Variants in VPS13D observed in about 807,000 individuals in gnomAD.
VPS13D encodes the protein intermembrane lipid transfer protein VPS13D.
In VPS13D, 187 loss-of-function variants were observed where a neutral mutation model predicts 461.9. That is an observed-to-expected ratio of 0.40 (90% confidence interval 0.36 to 0.46). VPS13D has a LOEUF of 0.46. VPS13D is among the 20% of genes least tolerant of loss of function. VPS13D has a pLI of 0.60. For missense variants in VPS13D, 4,711 were observed against 5,364.9 expected (o/e 0.88, Z 3.81); for synonymous variants, 1,951 against 1,986.3 (o/e 0.98, Z 0.47).
chr1:12,323,505 AAC>A (rs937213762), intron 34 of VPS13D, among the ~76,000 whole-genome samples, 199 bp from the exon 35 acceptor site: 5 of 152,058 alleles, frequency 3.3e-5, no homozygotes, highest in Non-Finnish European at 7.4e-5. Context: ...CCACTTTAAA[AAC>A]ACAGTCAATA....
chr1:12,333,284 T>C lies in VPS13D; in HGVS notation c.8346T>C (p.Ala2782=). 1 of 1,614,192 alleles carries C rather than the reference T, an allele frequency of 6.2e-7. No individual in the cohort carries two copies. Among genetic ancestry groups the C allele is most frequent in the East Asian group, 2.2e-5 (1 of 44,886 alleles). ...PCSVSWQQQA[A]SRLHPPRLKL... ...CTGTATCCTGGCAACAGCAGGCAGC[T>C]AGTCGTCTCCATCCTCCTCGACTGA... The change falls in exon 38 of 70, where the codon GCT becomes GCC. Residue 2782 remains alanine (A), a synonymous_variant. Coordinates refer to ENST00000620676, the MANE Select transcript of VPS13D (RefSeq NM_015378.4).
intron 20 of VPS13D, 104 bp from the exon 21 acceptor site, chr1:12,282,601 A>T: frequency 8.9e-7 from 1 of 1,127,260 alleles, no homozygotes; most frequent in South Asian, 1.5e-5. Context: ...CAGGTAACTT[A>T]CAGCCTCATG....
chr1:12,253,426 T>C (rs1021901865), intron 6 of VPS13D, among the ~76,000 whole-genome samples: 6 of 152,188 alleles, frequency 3.9e-5, no homozygotes, highest in African/African-American at 1.4e-4. Flanking sequence ...GCCTGAAACT[T>C]ATATATCTTT....
intron 23 of VPS13D, among the ~76,000 whole-genome samples, chr1:12,292,435 CTTTTTTTTTT>C (rs886615855): frequency 2.1e-5 from 2 of 96,916 alleles, no homozygotes; most frequent in African/African-American, 8.3e-5. Context: ...TGCTCAGTCT[CTTTTTTTTTT>C]TTTTTTTTTT....
At position 12,495,106 on chromosome 1, in the gene VPS13D, A is replaced by G. The variant is rs1225463094; in HGVS notation, c.12663-2394A>G. Among the ~76,000 whole-genome samples the G allele has an allele frequency of 6.6e-6, 1 of 152,044 alleles. No homozygotes were observed. The highest frequency in any genetic ancestry group is 1.5e-5 in the Non-Finnish European group (1 of 68,018). On this transcript the variant is annotated intron_variant, in intron 67 of 69. Transcript: ENST00000620676. The surrounding 1 kb of genome is among the most constrained non-coding windows in gnomAD (Gnocchi z 4.0). ...ACATGTTTATCCACCTGGGATGGAA[A>G]GCAAATGTGCTTTGAGCAGATGACT... is the stretch of plus-strand genomic sequence containing the variant.
At chr1:12,261,833 G>T (rs1429522098) in intron 12 of VPS13D, 68 bp from the exon 13 acceptor site, 58 of 1,359,438 alleles carry the variant, frequency 4.3e-5, no homozygotes, top group Non-Finnish European at 3.0e-6. Context: ...ACTGTGATCA[G>T]TCTGCTTGCT....
chr1:12,328,359 C>CTTT lies in VPS13D; in HGVS notation c.8197+521_8197+523dup, dbSNP rs71570103. Among the ~76,000 whole-genome samples the CTTT allele has an allele frequency of 1.6e-4, 21 of 134,208 alleles. No homozygotes were observed. In the East Asian group the frequency reaches 3.6e-3, roughly 23 times the overall value. 88.0% of individuals were successfully genotyped at this position (134,208 alleles called of 152,430 possible). On this transcript the variant is annotated intron_variant, in intron 36 of 69. Coordinates refer to ENST00000620676, the MANE Select transcript of VPS13D (RefSeq NM_015378.4). ...GGGACCAAAGTAGGAGTACTCTATC[C>CTTT]TTTTTTTTTTTTTTTTTTACCTCAA...
Position 12,329,829 on chromosome 1 carries a change from G to T in VPS13D, c.8198G>T (p.Arg2733Leu). 1 of 1,613,996 alleles carries T rather than the reference G, an allele frequency of 6.2e-7. No homozygotes were observed. Residue 2733 changes from arginine to leucine, a missense_variant and splice_region_variant, in exon 37 of 70, where the codon CGT (arginine) becomes CTT (leucine). Coordinates refer to ENST00000620676, the MANE Select transcript of VPS13D (RefSeq NM_015378.4). The part of the protein sequence containing the change: ...DVPLAELTFS[R>L]LNFLQRVRTS... ...GCAGTAAGGTTTGCTTTCATTGCAG[G>T]TCTGAATTTTCTTCAGCGTGTAAGA...
chr1:12,377,082 G>C (rs576051976), intron 55 of VPS13D, among the ~76,000 whole-genome samples: 87 of 149,100 alleles, frequency 5.8e-4, no homozygotes, highest in African/African-American at 2.1e-3. Flanking sequence ...TTTTTGAGAC[G>C]GAGTTTCGCT....
chr1:12,448,530 G>A (rs1645222761), intron 65 of VPS13D, among the ~76,000 whole-genome samples: 1 of 152,104 alleles, frequency 6.6e-6, no homozygotes, highest in African/African-American at 2.4e-5. Context: ...CCCCCCTTCT[G>A]CCAAAAAGTC....
intron 19 of VPS13D, among the ~76,000 whole-genome samples, chr1:12,278,706 C>CTGT (rs1641691681): frequency 6.6e-6 from 1 of 152,212 alleles, no homozygotes; most frequent in Admixed American, 6.5e-5. Context: ...TGTTCCCAAG[C>CTGT]TGTCGATCCT....
In VPS13D at chr1:12,258,165, G is replaced by A. The variant is rs1432357677; in HGVS notation, c.1110+62G>A. ...CAGAAGATAAGAATGTTCTCTCAAA[G>A]ACTAAAGAAAATGGGATCTGTGAAG... On this transcript the variant is annotated intron_variant, in intron 10 of 69. Coordinates refer to ENST00000620676, the MANE Select transcript of VPS13D (RefSeq NM_015378.4). The A allele has an allele frequency of 3.8e-6, 6 of 1,584,742 alleles. No individual in the cohort carries two copies. The African/African-American group carries it at 4.1e-5, about 11-fold the overall frequency.
intron 20 of VPS13D, 75 bp from the exon 21 acceptor site, chr1:12,282,630 T>C: frequency 7.3e-7 from 1 of 1,370,732 alleles, no homozygotes; most frequent in Non-Finnish European, 1.0e-6. Flanking sequence ...ATGTGGCAAC[T>C]GTAGACATTT....
chr1:12,233,846 G>A (rs923203994), intron 1 of VPS13D, among the ~76,000 whole-genome samples: 10 of 152,016 alleles, frequency 6.6e-5, no homozygotes, highest in Non-Finnish European at 1.2e-4. Context: ...TCAGGAGTTT[G>A]GGACAGGCTG....
At chr1:12,380,481 C>T (rs1644258798) in intron 57 of VPS13D, among the ~76,000 whole-genome samples, 1 of 152,234 alleles carries the variant, frequency 6.6e-6, no homozygotes, top group Non-Finnish European at 1.5e-5. Flanking sequence ...CCTCCTCAGC[C>T]AGTCTACCTC....
At chr1:12,343,587 C>G (rs1027770685) in intron 42 of VPS13D, among the ~76,000 whole-genome samples, 4 of 152,096 alleles carry the variant, frequency 2.6e-5, no homozygotes, top group African/African-American at 9.7e-5. Flanking sequence ...GTTGCCCAGG[C>G]TGGTCTCAAA....
intron 6 of VPS13D, among the ~76,000 whole-genome samples, chr1:12,252,163 G>A (rs890023719): frequency 2.0e-5 from 3 of 152,072 alleles, no homozygotes; most frequent in African/African-American, 7.2e-5. Context: ...GATTACATCT[G>A]CAAAGACCTA....
Position 12,380,547 on chromosome 1 carries a change from G to T in VPS13D, c.11190+951G>T, listed in dbSNP as rs367591582. Among the ~76,000 whole-genome samples, 11 of 152,218 alleles carry T rather than the reference G, an allele frequency of 7.2e-5. No homozygotes were observed. In the East Asian group the frequency reaches 7.7e-4, roughly 11 times the overall value. ...ATATGTGTTTGGCAAATTACCAAGGGTTTGGATTTTCTGCCCTTTCTGGCT... is the reference window on the plus strand; with the variant it reads ...ATATGTGTTTGGCAAATTACCAAGGTTTTGGATTTTCTGCCCTTTCTGGCT... On this transcript the variant is annotated intron_variant, in intron 57 of 69. Transcript: ENST00000620676.
chr1:12,506,000 G>A lies in VPS13D; in HGVS notation c.12795-853G>A, dbSNP rs1332199253. Among the ~76,000 whole-genome samples the A allele has an allele frequency of 6.6e-6, 1 of 152,244 alleles. No individual in the cohort carries two copies. The highest frequency in any genetic ancestry group is 1.5e-5 in the Non-Finnish European group (1 of 68,050). On this transcript the variant is annotated intron_variant, in intron 68 of 69. Coordinates refer to ENST00000620676, the MANE Select transcript of VPS13D (RefSeq NM_015378.4). This position sits in a 1 kb window ranked among gnomAD's most constrained non-coding sequence, Gnocchi z 4.2. ...CTCTGAGCAATTCAGTTTGCCAGCA[G>A]GAGCTCGACTGCCACTCCGTCGTCA...
Sources: allele counts gnomAD v4.1 joint callset (sites outside exome capture counted in the v4.1 genomes callset), GRCh38; gene constraint gnomAD v4.1.1; non-coding constraint Gnocchi (gnomAD v3.1); transcripts MANE v1.5; gene names NCBI Gene and HGNC (gene_info 2026-07-23, HGNC 2026-07-21).